The following KCNQ1OT1 variants were observed in gnomAD, a reference collection of about 807,000 sequenced individuals.
The protein encoded by KCNQ1OT1 is KCNQ1 antisense RNA 2 (non-protein coding).
exon 1 of KCNQ1OT1, chr11:2,609,699 C>T (rs1239365591): frequency 2.5e-6 from 1 of 398,080 alleles, no homozygotes; most frequent in Non-Finnish European, 4.4e-6. Context: ...TGTTTTAGTT[C>T]TCTATTGTTA....
rs867991132 is a variant in KCNQ1OT1 at position 2,632,179 on chromosome 11, C to T, written n.67816G>A. The T allele has an allele frequency of 2.4e-5, 8 of 337,880 alleles. No individual in the cohort carries two copies. In the South Asian group the frequency reaches 1.4e-3, roughly 59 times the overall value. 20.9% of individuals were successfully genotyped at this position (337,880 alleles called of 1,614,324 possible). On this transcript the variant is annotated non_coding_transcript_exon_variant, in exon 1 of 1. Transcript: ENST00000597346. Reference sequence around the variant, plus strand: ...GCCTGGGCGACAGACCAAGACTCTGCCTCAAAAAAAAAAAAAAAAAAAAAG... The same window carrying T: ...GCCTGGGCGACAGACCAAGACTCTGTCTCAAAAAAAAAAAAAAAAAAAAAG...
At chr11:2,631,495 G>T in exon 1 of KCNQ1OT1, 2 of 397,976 alleles carry the variant, frequency 5.0e-6, no homozygotes, top group East Asian at 3.6e-5. Flanking sequence ...TCATTAGGTT[G>T]TCTCTCTGTT....
exon 1 of KCNQ1OT1, chr11:2,616,088 T>A (rs2106465): frequency 0.57 from 226,574 of 397,832 alleles, 66,519 homozygotes; most frequent in East Asian, 0.75. Context: ...GTATTAGTAT[T>A]TTGTGAATTC....
At chr11:2,643,122 A>T (rs1849605528) in exon 1 of KCNQ1OT1, 1 of 398,124 alleles carries the variant, frequency 2.5e-6, no homozygotes, top group Non-Finnish European at 4.4e-6. Context: ...TGATGAGAAG[A>T]GTGTATATTC....
rs1849590221 is a variant in KCNQ1OT1, at chr11:2,642,144, T to C, written n.57851A>G. The C allele has an allele frequency of 2.5e-6, 1 of 398,298 alleles. No individual in the cohort carries two copies. Among genetic ancestry groups the C allele is most frequent in the South Asian group, 1.3e-4 (1 of 7,864 alleles). 24.7% of individuals were successfully genotyped at this position (398,298 alleles called of 1,614,324 possible). A position where few individuals can be genotyped will look rare whatever the true frequency, so the allele number is the denominator to read the frequency against. The stretch of plus-strand genomic sequence containing the variant: ...CATCTGAATTTTAGGATTTTTTCTA[T>C]TTCCATGAAAAATGGCATTGGTATT... On this transcript the variant is annotated non_coding_transcript_exon_variant, in exon 1 of 1. Coordinates refer to ENST00000597346, the Ensembl canonical transcript of KCNQ1OT1. This position sits in a 1 kb window ranked among gnomAD's most constrained non-coding sequence, Gnocchi z 4.3.
At chr11:2,662,118 G>C in exon 1 of KCNQ1OT1, 2 of 1,613,650 alleles carry the variant, frequency 1.2e-6, no homozygotes, top group Non-Finnish European at 1.7e-6. Context: ...CTGGGCTGGA[G>C]GGGACTGGAG....
exon 1 of KCNQ1OT1, chr11:2,618,761 T>G (rs1022788121): frequency 2.5e-6 from 1 of 398,380 alleles, no homozygotes; most frequent in Non-Finnish European, 4.4e-6. Context: ...TCAATCTGTA[T>G]ATTGATTTGG....
chr11:2,689,037 G>C, exon 1 of KCNQ1OT1: 1 of 398,834 alleles, frequency 2.5e-6, no homozygotes, highest in Non-Finnish European at 4.4e-6. Context: ...TGGGCTGCAG[G>C]GTTTTGAGGG....
rs901166401 is a variant in KCNQ1OT1, at chr11:2,645,584, A to G, written n.54411T>C. The G allele has an allele frequency of 3.5e-5, 14 of 398,568 alleles. No individual in the cohort carries two copies. The highest frequency in any genetic ancestry group is 6.2e-4 in the Middle Eastern group (1 of 1,614). 24.7% of individuals were successfully genotyped at this position (398,568 alleles called of 1,614,324 possible). ...GCAGCTATAAACAGGCAGTTGGGCAATGCATGCTTCGGCCCCAGGTGGTGA... is the reference window on the plus strand; with the variant it reads ...GCAGCTATAAACAGGCAGTTGGGCAGTGCATGCTTCGGCCCCAGGTGGTGA... On this transcript the variant is annotated non_coding_transcript_exon_variant, in exon 1 of 1. Coordinates refer to ENST00000597346, the Ensembl canonical transcript of KCNQ1OT1. This position sits in a 1 kb window ranked among gnomAD's most constrained non-coding sequence, Gnocchi z 5.8.
At chr11:2,637,139 G>T (rs945729041) in exon 1 of KCNQ1OT1, 6 of 151,996 alleles carry the variant, frequency 3.9e-5, no homozygotes, top group Middle Eastern at 3.2e-3. Flanking sequence ...CCACCTCCTG[G>T]ATTCATTGAT....
exon 1 of KCNQ1OT1, chr11:2,649,242 C>T (rs1157959194): frequency 7.5e-6 from 3 of 398,104 alleles, no homozygotes; most frequent in Admixed American, 8.8e-5. Context: ...AGGACTTACT[C>T]CTGTCATTTT....
At position 2,627,394 on chromosome 11, in the gene KCNQ1OT1, G is replaced by C. The variant is rs11023535; in HGVS notation, n.72601C>G. 2.5e-6 allele frequency: 1 copy of C among 398,240 alleles called. No individual in the cohort carries two copies. Among genetic ancestry groups the C allele is most frequent in the South Asian group, 1.3e-4 (1 of 7,846 alleles). The allele number at this position is 398,240 out of a possible 1,614,324, so 24.7% of individuals were successfully genotyped here. On this transcript the variant is annotated non_coding_transcript_exon_variant, in exon 1 of 1. Coordinates refer to ENST00000597346, the Ensembl canonical transcript of KCNQ1OT1. This position sits in a 1 kb window ranked among gnomAD's most constrained non-coding sequence, Gnocchi z 4.9. Reference sequence around the variant, plus strand: ...ATTAACTATAGTCACCAATCTGGACGTTATGTCAAGAACTTATTCATCTGA... The same window carrying C: ...ATTAACTATAGTCACCAATCTGGACCTTATGTCAAGAACTTATTCATCTGA...
At position 2,611,295 on chromosome 11, in the gene KCNQ1OT1, C is replaced by T. The variant is rs1252728823; in HGVS notation, n.88700G>A. 5.0e-6 allele frequency: 2 copies of T among 397,382 alleles called. No individual in the cohort carries two copies. The highest frequency in any genetic ancestry group is 2.1e-5 in the African/African-American group (1 of 48,584). The allele number at this position is 397,382 out of a possible 1,614,324, so 24.6% of individuals were successfully genotyped here. The stretch of plus-strand genomic sequence containing the variant: ...AGTGCAGTGGCGTGACCTTGGCTCA[C>T]TGCAACCTCTGCCTCCCGGATTCAA... On this transcript the variant is annotated non_coding_transcript_exon_variant, in exon 1 of 1. Coordinates refer to ENST00000597346, the Ensembl canonical transcript of KCNQ1OT1. This position sits in a 1 kb window ranked among gnomAD's most constrained non-coding sequence, Gnocchi z 5.3.
At chr11:2,629,747 C>G (rs774880907) in exon 1 of KCNQ1OT1, 6 of 398,392 alleles carry the variant, frequency 1.5e-5, no homozygotes, top group African/African-American at 4.1e-5. Flanking sequence ...TGTATAGATA[C>G]GCAAATGACT....
rs1849906811 is a variant in KCNQ1OT1, at chr11:2,659,228, T to C, written n.40767A>G. The C allele has an allele frequency of 2.5e-6, 1 of 398,640 alleles. No individual in the cohort carries two copies. Among genetic ancestry groups the C allele is most frequent in the Non-Finnish European group, 4.4e-6 (1 of 226,062 alleles). The allele number at this position is 398,640 out of a possible 1,614,324, so 24.7% of individuals were successfully genotyped here. A position where few individuals can be genotyped will look rare whatever the true frequency, so the allele number is the denominator to read the frequency against. On this transcript the variant is annotated non_coding_transcript_exon_variant, in exon 1 of 1. Transcript: ENST00000597346. The surrounding 1 kb of genome is among the most constrained non-coding windows in gnomAD (Gnocchi z 4.3). ...ATCATTCACAGAAGTTCCATACCCC[T>C]AAAAATACCCTGGGGTGAGTCTTTT...
At chr11:2,660,119 A>G in exon 1 of KCNQ1OT1, 1 of 398,426 alleles carries the variant, frequency 2.5e-6, no homozygotes. Flanking sequence ...TCACTGCCAA[A>G]TCCAAGGTCC....
chr11:2,668,859 T>A lies in KCNQ1OT1; in HGVS notation n.31136A>T. On this transcript the variant is annotated non_coding_transcript_exon_variant, in exon 1 of 1. Coordinates refer to ENST00000597346, the Ensembl canonical transcript of KCNQ1OT1. The surrounding 1 kb of genome is among the most constrained non-coding windows in gnomAD (Gnocchi z 4.3). ...CTGGATAGGGCTGTTTGTGTCCTAT[T>A]TAAGAAACTTTGACTACTCCAAGGT... The A allele has an allele frequency of 2.5e-6, 1 of 398,638 alleles. No individual in the cohort carries two copies. Among genetic ancestry groups the A allele is most frequent in the Non-Finnish European group, 4.4e-6 (1 of 226,068 alleles). 24.7% of individuals were successfully genotyped at this position (398,638 alleles called of 1,614,324 possible). A position where few individuals can be genotyped will look rare whatever the true frequency, so the allele number is the denominator to read the frequency against.
chr11:2,684,168 G>A, exon 1 of KCNQ1OT1: 1 of 398,670 alleles, frequency 2.5e-6, no homozygotes, highest in Non-Finnish European at 4.4e-6. Flanking sequence ...GACTTAGGAA[G>A]AGAAGCGCCC....
Position 2,677,779 on chromosome 11 carries a change from C to T in KCNQ1OT1, n.22216G>A. On this transcript the variant is annotated non_coding_transcript_exon_variant, in exon 1 of 1. Coordinates refer to ENST00000597346, the Ensembl canonical transcript of KCNQ1OT1. The surrounding 1 kb of genome is among the most constrained non-coding windows in gnomAD (Gnocchi z 4.5). ...TTTACTTTAAGAGATCCTCCCTTTC[C>T]CCCCATTTCCAGCAGGATTAAAATG... is the stretch of plus-strand genomic sequence containing the variant. 1 of 398,376 alleles carries T rather than the reference C, an allele frequency of 2.5e-6. No homozygotes were observed. Among genetic ancestry groups the T allele is most frequent in the Non-Finnish European group, 4.4e-6 (1 of 226,014 alleles). The allele number at this position is 398,376 out of a possible 1,614,324, so 24.7% of individuals were successfully genotyped here.
Sources: gnomAD v4.1 joint callset for allele counts on GRCh38, gnomAD v4.1.1 for gene constraint, Gnocchi (gnomAD v3.1) non-coding constraint, MANE v1.5 for transcripts, NCBI Gene and HGNC (gene_info 2026-07-23, HGNC 2026-07-21) for gene names.